Variants in CFAP54 observed in about 807,000 individuals in gnomAD.
CFAP54 encodes cilia- and flagella-associated protein 54.
In CFAP54, 290 loss-of-function variants were observed where a neutral mutation model predicts 370.4. The ratio of observed to expected loss-of-function variants is 0.78; its 90% CI spans 0.71 to 0.86. The LOEUF is 0.86. CFAP54 is among the 40% of genes least tolerant of loss of function. The pLI, the probability that CFAP54 is intolerant of heterozygous loss-of-function variation, is 0.00. For synonymous variants in CFAP54, 1,206 were observed against 1,236.5 expected, an observed-to-expected ratio of 0.98 and a Z score of 0.52; for missense variants, 3,399 against 3,528.7, an observed-to-expected ratio of 0.96 and a Z score of 0.93.
rs1565961695 is a variant in CFAP54, at chr12:96,742,506, A to G, written c.7139A>G (p.Asn2380Ser). 1 of 1,612,776 alleles carries G rather than the reference A, an allele frequency of 6.2e-7. No homozygotes were observed. Among genetic ancestry groups the G allele is most frequent in the Admixed American group, 1.7e-5 (1 of 59,972 alleles). Residue 2380 changes from asparagine (N) to serine (S), a missense_variant, in exon 52 of 68, where the codon AAC becomes AGC. Around this residue, in one of 3 missense-constraint regions of CFAP54, gnomAD observed 2,796 missense variants for 2,869.7 expected, o/e 0.97. Transcript: ENST00000524981. Reference sequence around the variant, plus strand: ...TCCCTAAATGCCCGAGAATATTTCAACATTCATCTGTGGTTGAGGTGCCGC... The same window carrying G: ...TCCCTAAATGCCCGAGAATATTTCAGCATTCATCTGTGGTTGAGGTGCCGC... ...PISLNAREYFNIHLWLRCRLA... is the reference protein window; with the variant it reads ...PISLNAREYFSIHLWLRCRLA...
chr12:96,548,246 C>T (rs79019699), intron 15 of CFAP54, among the ~76,000 whole-genome samples: 1,657 of 152,186 alleles, frequency 0.011, 26 homozygotes, highest in African/African-American at 0.037. Flanking sequence ...AACTCACCTC[C>T]TCTGCTACCC....
chr12:96,527,628 G>A (rs554504322), intron 9 of CFAP54, among the ~76,000 whole-genome samples, 184 bp downstream of exon 9: 12 of 151,586 alleles, frequency 7.9e-5, no homozygotes, highest in Non-Finnish European at 1.5e-4. Context: ...GTGCAGTGGC[G>A]TGATCATGGC....
intron 66 of CFAP54, among the ~76,000 whole-genome samples, chr12:96,832,042 G>C (rs1959172602): frequency 6.6e-6 from 1 of 152,068 alleles, no homozygotes; most frequent in African/African-American, 2.4e-5. Context: ...GGAACCCAGT[G>C]GGAGGTAATT....
chr12:96,646,702 C>T (rs1468907444), intron 33 of CFAP54: 1 of 152,168 alleles, frequency 6.6e-6, no homozygotes, highest in Non-Finnish European at 1.5e-5. Flanking sequence ...GGAACCAAGC[C>T]AAGTGTCCAA....
At chr12:96,633,387 A>G (rs1030902018) in intron 32 of CFAP54, among the ~76,000 whole-genome samples, 3 of 152,252 alleles carry the variant, frequency 2.0e-5, no homozygotes, top group African/African-American at 4.8e-5. Context: ...CTGTACAACT[A>G]TAGTACAATA....
At chr12:96,633,878 C>T (rs1334711131) in intron 32 of CFAP54, among the ~76,000 whole-genome samples, 1 of 152,014 alleles carries the variant, frequency 6.6e-6, no homozygotes, top group African/African-American at 2.4e-5. Context: ...AGACTGGCTG[C>T]ACATTTTTAC....
chr12:96,633,791 A>G (rs527472850), intron 32 of CFAP54, among the ~76,000 whole-genome samples: 2 of 152,290 alleles, frequency 1.3e-5, no homozygotes, highest in Admixed American at 1.3e-4. Context: ...TTTCTCTGTG[A>G]TAAATACCCA....
At chr12:96,549,648 A>C (rs1955674696) in intron 15 of CFAP54, among the ~76,000 whole-genome samples, 1 of 152,230 alleles carries the variant, frequency 6.6e-6, no homozygotes, top group African/African-American at 2.4e-5. Context: ...TGTGATGCTG[A>C]ATGAATTATT....
chr12:96,819,082 C>T (rs550239433), intron 65 of CFAP54, among the ~76,000 whole-genome samples: 47 of 152,276 alleles, frequency 3.1e-4, no homozygotes, highest in Admixed American at 1.8e-3. Context: ...TCCACAATTC[C>T]GCTCTGCAGA....
intron 66 of CFAP54, among the ~76,000 whole-genome samples, chr12:96,854,858 C>T (rs1959656387): frequency 1.3e-5 from 2 of 152,082 alleles, no homozygotes; most frequent in Admixed American, 6.6e-5. Context: ...CATAGGTAAA[C>T]TCATGTCTTG....
intron 45 of CFAP54, among the ~76,000 whole-genome samples, chr12:96,696,455 G>A (rs1957440941): frequency 6.6e-6 from 1 of 152,048 alleles, no homozygotes; most frequent in African/African-American, 2.4e-5. Context: ...GGCACCAAAG[G>A]ACATAATCTG....
chr12:96,648,237 T>C (rs901328412), intron 34 of CFAP54, among the ~76,000 whole-genome samples: 6 of 152,230 alleles, frequency 3.9e-5, no homozygotes, highest in Admixed American at 3.3e-4. Flanking sequence ...TTTGGAAATA[T>C]CTATTTTGTA....
intron 25 of CFAP54, 117 bp downstream of exon 25, chr12:96,594,563 A>G (rs1159284378): frequency 2.9e-6 from 2 of 687,488 alleles, no homozygotes. Context: ...AGGAATCAGT[A>G]TTATGAAATT....
At chr12:96,503,786 TAATC>T in intron 2 of CFAP54, 96 bp from the exon 3 acceptor site, 3 of 1,053,934 alleles carry the variant, frequency 2.8e-6, no homozygotes, top group East Asian at 2.8e-5. Context: ...ATAATTGTAA[TAATC>T]AACCTTGATA....
At chr12:96,871,476 G>A (rs200466353) in intron 67 of CFAP54, among the ~76,000 whole-genome samples, 3 of 152,100 alleles carry the variant, frequency 2.0e-5, no homozygotes, top group East Asian at 1.9e-4. Context: ...AAAACTCAAC[G>A]ACGTTGCCCA....
intron 19 of CFAP54, 125 bp downstream of exon 19, chr12:96,564,890 A>G (rs908542381): frequency 6.7e-6 from 3 of 448,000 alleles, no homozygotes; most frequent in African/African-American, 2.0e-5. Context: ...CAGATTCACT[A>G]TATATAATTC....
chr12:96,496,681 C>T (rs1954957930), intron 1 of CFAP54, among the ~76,000 whole-genome samples: 2 of 152,082 alleles, frequency 1.3e-5, no homozygotes, highest in Admixed American at 6.6e-5. Flanking sequence ...GTTAGGATTT[C>T]AACATATGAA....
At chr12:96,644,445 T>G in intron 33 of CFAP54, 37 bp downstream of exon 33, 1 of 1,355,424 alleles carries the variant, frequency 7.4e-7, no homozygotes, top group Non-Finnish European at 1.0e-6. Context: ...CTTTTTTAGT[T>G]TCATGAACAT....
intron 66 of CFAP54, among the ~76,000 whole-genome samples, chr12:96,833,001 C>T (rs1959175477): frequency 6.6e-6 from 1 of 152,154 alleles, no homozygotes; most frequent in Non-Finnish European, 1.5e-5. Flanking sequence ...ACTGAACACA[C>T]CTATTACAAA....
Sources: gnomAD v4.1 joint callset for allele counts (sites outside exome capture counted in the v4.1 genomes callset) on GRCh38, gnomAD v4.1.1 for gene constraint, gnomAD v4.1.1 regional missense constraint, MANE v1.5 for transcripts, NCBI Gene and HGNC (gene_info 2026-07-23, HGNC 2026-07-21) for gene names.